The following SLC35F4 variants were observed in gnomAD, a reference collection of about 807,000 sequenced individuals.
The protein encoded by SLC35F4 is solute carrier family 35 member F4, also known as chromosome 14 open reading frame 36.
SLC35F4 carries 24 observed loss-of-function variants against 44.2 expected under a neutral mutation model. The observed-to-expected ratio is 0.54, with a 90% CI of 0.39 to 0.76. The LOEUF is 0.76. SLC35F4 is among the 30% of genes least tolerant of loss of function. The pLI is 0.00. For missense variants in SLC35F4, 562 were observed against 586.1 expected, an observed-to-expected ratio of 0.96 and a Z score of 0.42; for synonymous variants, 238 against 223.6, an observed-to-expected ratio of 1.06 and a Z score of -0.57.
At chr14:57,738,748 CATATATATAT>C (rs36212594) in intron 1 of SLC35F4, among the ~76,000 whole-genome samples, 9,174 of 110,048 alleles carry the variant, frequency 0.083, 449 homozygotes, top group Middle Eastern at 0.13. Flanking sequence ...TTTGAATTTT[CATATATATAT>C]ATATATATAT....
intron 1 of SLC35F4, among the ~76,000 whole-genome samples, chr14:57,658,869 C>A (rs571653862): frequency 6.6e-6 from 1 of 152,134 alleles, no homozygotes; most frequent in Non-Finnish European, 1.5e-5. Context: ...ACTCACTACA[C>A]CCCTTGTTCC....
chr14:57,856,131 C>T (rs375748562), intron 1 of SLC35F4, among the ~76,000 whole-genome samples: 7 of 151,760 alleles, frequency 4.6e-5, no homozygotes, highest in East Asian at 1.9e-4. Flanking sequence ...CTCTACCTCC[C>T]GAGTAGCTGG....
At chr14:57,892,215 G>A (rs1459809187) in intron 1 of SLC35F4, among the ~76,000 whole-genome samples, 1 of 152,156 alleles carries the variant, frequency 6.6e-6, no homozygotes, top group East Asian at 1.9e-4. Context: ...TATGGCTTGA[G>A]CAGATCATTG....
At chr14:57,702,273 A>T (rs2140369237) in intron 1 of SLC35F4, among the ~76,000 whole-genome samples, 1 of 151,410 alleles carries the variant, frequency 6.6e-6, no homozygotes, top group East Asian at 1.9e-4. Flanking sequence ...CGCACAGTTT[A>T]CTATGGCACA....
intron 1 of SLC35F4, among the ~76,000 whole-genome samples, chr14:57,906,528 G>A (rs1256369028): frequency 1.3e-5 from 2 of 152,134 alleles, no homozygotes; most frequent in Non-Finnish European, 2.9e-5. Context: ...AATGCTTGAG[G>A]AAACATCTTT....
intron 6 of SLC35F4, among the ~76,000 whole-genome samples, chr14:57,566,946 A>C (rs771277379): frequency 2.6e-5 from 4 of 152,270 alleles, no homozygotes; most frequent in Non-Finnish European, 2.9e-5. Context: ...ATTTTGTGCC[A>C]CATTCATAGA....
At chr14:57,805,728 T>A (rs1454844325) in intron 1 of SLC35F4, among the ~76,000 whole-genome samples, 1 of 152,162 alleles carries the variant, frequency 6.6e-6, no homozygotes, top group East Asian at 1.9e-4. Flanking sequence ...ATGGCACACG[T>A]TTACCTATCT....
At chr14:57,631,571 G>T (rs1460043237) in intron 1 of SLC35F4, among the ~76,000 whole-genome samples, 4 of 152,030 alleles carry the variant, frequency 2.6e-5, no homozygotes, top group Admixed American at 1.3e-4. Flanking sequence ...CGTTATGAGG[G>T]AGGTTTGCTT....
chr14:57,635,322 GACAA>G (rs909146321), intron 1 of SLC35F4, among the ~76,000 whole-genome samples: 1 of 151,722 alleles, frequency 6.6e-6, no homozygotes, highest in African/African-American at 2.4e-5. Flanking sequence ...CAATGTAGGA[GACAA>G]ACAACTGCGA....
chr14:57,816,426 T>C (rs549831752), intron 1 of SLC35F4, among the ~76,000 whole-genome samples: 1 of 151,792 alleles, frequency 6.6e-6, no homozygotes, highest in East Asian at 1.9e-4. Flanking sequence ...AAATTTCCAC[T>C]ATTCAGAAAC....
chr14:57,793,088 T>C (rs1212276996), intron 1 of SLC35F4, among the ~76,000 whole-genome samples: 4 of 152,008 alleles, frequency 2.6e-5, no homozygotes, highest in African/African-American at 9.7e-5. Context: ...AAGAAAATTC[T>C]CCAAAGGCCT....
At chr14:57,585,572 T>C (rs983856848) in intron 3 of SLC35F4, among the ~76,000 whole-genome samples, 9 of 152,146 alleles carry the variant, frequency 5.9e-5, no homozygotes, top group African/African-American at 2.2e-4. Flanking sequence ...GCAGATGACA[T>C]GATTATCTAT....
Position 57,759,972 on chromosome 14 carries a change from GTTCTT to G in SLC35F4, c.103+105746_103+105750del, listed in dbSNP as rs1352571099. On this transcript the variant is annotated intron_variant, in intron 1 of 7. Transcript: ENST00000556826. ...TTCTTTATCAGATATATGACTTGCA[GTTCTT>G]TTCATTTCTTTTTACTCTGTTCATT... is the stretch of plus-strand genomic sequence containing the variant. Among the ~76,000 whole-genome samples, 5 of 151,048 alleles carry G rather than the reference GTTCTT, an allele frequency of 3.3e-5. No homozygotes were observed. The South Asian group carries it at 8.3e-4, about 25-fold the overall frequency.
At chr14:57,798,938 G>A (rs1191130475) in intron 1 of SLC35F4, among the ~76,000 whole-genome samples, 1 of 152,142 alleles carries the variant, frequency 6.6e-6, no homozygotes, top group Non-Finnish European at 1.5e-5. Context: ...CACCACTCAC[G>A]CTAAGAATGA....
chr14:57,865,104 C>G (rs1205079518), intron 1 of SLC35F4, among the ~76,000 whole-genome samples: 1 of 144,790 alleles, frequency 6.9e-6, no homozygotes. Flanking sequence ...TCTCTGGCTC[C>G]AAGCTCTGGG....
intron 1 of SLC35F4, among the ~76,000 whole-genome samples, chr14:57,857,679 C>T (rs181432398): frequency 5.6e-4 from 85 of 152,060 alleles, no homozygotes; most frequent in Non-Finnish European, 1.1e-3. Context: ...GCAAAAAGCC[C>T]AAAATAGTGT....
intron 1 of SLC35F4, among the ~76,000 whole-genome samples, chr14:57,877,076 C>T (rs903876775): frequency 1.3e-5 from 2 of 152,076 alleles, no homozygotes; most frequent in Non-Finnish European, 2.9e-5. Flanking sequence ...GCGTGTCACA[C>T]GGGTTCACGG....
At chr14:57,678,619 A>T (rs1160874594) in intron 1 of SLC35F4, among the ~76,000 whole-genome samples, 1 of 152,026 alleles carries the variant, frequency 6.6e-6, no homozygotes, top group Non-Finnish European at 1.5e-5. Flanking sequence ...TGTATTCAGG[A>T]GACCCATCGC....
chr14:57,974,174 A>C (rs1881141036), downstream of SLC35F4, among the ~76,000 whole-genome samples: 2 of 152,102 alleles, frequency 1.3e-5, no homozygotes, highest in African/African-American at 2.4e-5. Context: ...CTTCATTCAC[A>C]TGGCTGGCAC....
Sources: gnomAD v4.1 joint callset for allele counts (sites outside exome capture counted in the v4.1 genomes callset) on GRCh38, gnomAD v4.1.1 for gene constraint, MANE v1.5 for transcripts, NCBI Gene and HGNC (gene_info 2026-07-23, HGNC 2026-07-21) for gene names.